Variants in ARHGAP27 observed in about 807,000 individuals in gnomAD.
The protein encoded by ARHGAP27 is rho GTPase-activating protein 27.
In ARHGAP27, 53 loss-of-function variants were observed where a neutral mutation model predicts 102.0. That is an observed-to-expected ratio of 0.52 (90% CI 0.42 to 0.65). The LOEUF (loss-of-function observed/expected upper bound fraction) is 0.65, where lower values mean the gene tolerates loss of function less well. Ranked by LOEUF, ARHGAP27 falls within the 30% of genes least tolerant of loss-of-function variation. ARHGAP27 has a pLI of 0.00. For synonymous variants in ARHGAP27, 525 were observed against 542.8 expected, an observed-to-expected ratio of 0.97 and a Z score of 0.46; for missense variants, 1,117 against 1,256.2, an observed-to-expected ratio of 0.89 and a Z score of 1.68.
intron 16 of ARHGAP27, 34 bp from the exon 17 acceptor site, chr17:45,396,318 G>A: frequency 5.1e-6 from 8 of 1,583,930 alleles, no homozygotes; most frequent in Non-Finnish European, 6.9e-6. Context: ...CCCGGGTTCA[G>A]GGATGGGGAT....
chr17:45,394,288 G>A lies in ARHGAP27; in HGVS notation c.*1168C>T, dbSNP rs2045353262. Reference sequence around the variant, plus strand: ...CAAGAGCCACAAGCTGAGGTGGCTTGTGTCTGAGGAGGGAAGGGACCCGCT... The same window carrying A: ...CAAGAGCCACAAGCTGAGGTGGCTTATGTCTGAGGAGGGAAGGGACCCGCT... On this transcript the variant is annotated 3_prime_UTR_variant, in exon 20 of 20. Coordinates refer to ENST00000685559, the MANE Select transcript of ARHGAP27 (RefSeq NM_001282290.2). The A allele has an allele frequency of 6.6e-6, 1 of 152,308 alleles. No individual in the cohort carries two copies. The highest frequency in any genetic ancestry group is 6.5e-5 in the Admixed American group (1 of 15,290). 9.4% of individuals were successfully genotyped at this position (152,308 alleles called of 1,614,324 possible).
chr17:45,406,697 A>C (rs1336832865), intron 4 of ARHGAP27, among the ~76,000 whole-genome samples: 1 of 152,072 alleles, frequency 6.6e-6, no homozygotes, highest in East Asian at 1.9e-4. Flanking sequence ...TCTGTCACCC[A>C]GGCTGGAGTG....
rs2049969225 is a variant in ARHGAP27, at chr17:45,430,355, C to A, written c.-18-58G>T. 4 of 1,499,066 alleles carry A rather than the reference C, an allele frequency of 2.7e-6. No homozygotes were observed. Among genetic ancestry groups the A allele is most frequent in the East Asian group, 2.6e-5 (1 of 39,158 alleles). 92.9% of individuals were successfully genotyped at this position (1,499,066 alleles called of 1,614,324 possible). On this transcript the variant is annotated intron_variant, in intron 3 of 19. Coordinates refer to ENST00000685559, the MANE Select transcript of ARHGAP27 (RefSeq NM_001282290.2). This position sits in a 1 kb window ranked among gnomAD's most constrained non-coding sequence, Gnocchi z 4.4. ...CAAGACCACCGAGCCTGGAATAGCC[C>A]CGCACTCGGGGACAGACTTGGGTTC...
chr17:45,424,672 G>T (rs1465483883), intron 4 of ARHGAP27, among the ~76,000 whole-genome samples: 2 of 148,110 alleles, frequency 1.4e-5, no homozygotes, highest in South Asian at 2.1e-4. Context: ...GTGGGGGAAG[G>T]GTGGGAGGGG....
At chr17:45,431,948 C>A (rs1174491887) in intron 2 of ARHGAP27, among the ~76,000 whole-genome samples, 196 bp from the exon 3 acceptor site, 3 of 152,238 alleles carry the variant, frequency 2.0e-5, no homozygotes, top group Admixed American at 6.5e-5. Flanking sequence ...ACTGGCAGGT[C>A]GCGAGCGGAG....
chr17:45,410,885 G>A (rs1306281984), intron 4 of ARHGAP27, among the ~76,000 whole-genome samples: 1 of 152,106 alleles, frequency 6.6e-6, no homozygotes, highest in South Asian at 2.1e-4. Context: ...TGATATCACA[G>A]GGAGCTGGCA....
chr17:45,429,727 C>G lies in ARHGAP27; in HGVS notation c.553G>C (p.Gly185Arg), dbSNP rs748022267. Residue 185 changes from glycine (G) to arginine (R), a missense_variant, in exon 4 of 20, where the codon GGC (glycine) becomes CGC (arginine). Coordinates refer to ENST00000685559, the MANE Select transcript of ARHGAP27 (RefSeq NM_001282290.2). ...SGSFKACSVA[G>R]SWVCPRPLAR... Reference sequence around the variant, plus strand: ...AGAGGCCGCGGGCACACCCAGGAGCCCGCCACGCTGCAGGCCTTGAAGCTG... The same window carrying G: ...AGAGGCCGCGGGCACACCCAGGAGCGCGCCACGCTGCAGGCCTTGAAGCTG... 1.9e-6 allele frequency: 3 copies of G among 1,544,012 alleles called. No individual in the cohort carries two copies. The highest frequency in any genetic ancestry group is 2.6e-6 in the Non-Finnish European group (3 of 1,144,720).
intron 4 of ARHGAP27, among the ~76,000 whole-genome samples, chr17:45,416,524 A>C (rs1301066331): frequency 6.7e-6 from 1 of 149,876 alleles, no homozygotes; most frequent in African/African-American, 2.5e-5. Flanking sequence ...CTATTGTTAA[A>C]TCTAGGCAAT....
In ARHGAP27 at chr17:45,398,026, C is replaced by G; in HGVS notation, c.1765G>C (p.Glu589Gln). The G allele has an allele frequency of 6.2e-7, 1 of 1,606,222 alleles. No homozygotes were observed. The highest frequency in any genetic ancestry group is 8.5e-7 in the Non-Finnish European group (1 of 1,173,966). The change falls in exon 13 of 20, where the codon GAG becomes CAG. Residue 589 changes from glutamate to glutamine, a missense_variant. By Grantham distance (29) the Glu-to-Gln change is conservative (BLOSUM62 2). This residue lies in a region of ARHGAP27 where 493 missense variants were observed against 505.5 expected (regional missense o/e 0.98). Transcript: ENST00000685559. ...VLELRSRDGS[E>Q]YLIQHDSEAI... ...TCCGAGTCGTGCTGGATCAGGTACT[C>G]AGAGCCATCTCGGCTCCGTAGCTGG...
intron 4 of ARHGAP27, among the ~76,000 whole-genome samples, chr17:45,419,512 GTATATATATATATA>G (rs71136087): frequency 0.012 from 1,396 of 119,760 alleles, 17 homozygotes; most frequent in Middle Eastern, 0.033. Context: ...TATGCTGTAT[GTATATATATATATA>G]TATATATATA....
Position 45,395,568 on chromosome 17 carries a change from G to C in ARHGAP27, c.2558C>G (p.Thr853Arg). Residue 853 changes from threonine (T) to arginine (R), a missense_variant, in exon 20 of 20, where the codon ACG becomes AGG. Physicochemically the swap from Thr to Arg is moderately conservative, Grantham distance 71. This residue lies in a region of ARHGAP27 where 493 missense variants were observed against 505.5 expected (regional missense o/e 0.98). Coordinates refer to ENST00000685559, the MANE Select transcript of ARHGAP27 (RefSeq NM_001282290.2). ...VQSVAIVFGP[T>R]LLRPEVEETS... is the part of the protein sequence containing the mutation. Reference sequence around the variant, plus strand: ...CTCTTCCACCTCGGGCCGCAGCAGCGTGGGCCCGAACACAATGGCCACGCT... The same window carrying C: ...CTCTTCCACCTCGGGCCGCAGCAGCCTGGGCCCGAACACAATGGCCACGCT... The C allele has an allele frequency of 3.7e-6, 6 of 1,605,238 alleles. No individual in the cohort carries two copies. Among genetic ancestry groups the C allele is most frequent in the Non-Finnish European group, 5.1e-6 (6 of 1,176,190 alleles).
Position 45,395,167 on chromosome 17 carries a change from T to C in ARHGAP27, c.*289A>G, listed in dbSNP as rs1422236497. 1 of 497,602 alleles carries C rather than the reference T, an allele frequency of 2.0e-6. No homozygotes were observed. The highest frequency in any genetic ancestry group is 3.8e-5 in the Admixed American group (1 of 26,496). The allele number at this position is 497,602 out of a possible 1,614,324, so 30.8% of individuals were successfully genotyped here. A position where few individuals can be genotyped will look rare whatever the true frequency, so the allele number is the denominator to read the frequency against. ...CAAACTCTCACCCCCACACACGCTA[T>C]CGCACACGCACAGTAGGCGCGATGC... On this transcript the variant is annotated 3_prime_UTR_variant, in exon 20 of 20. Coordinates refer to ENST00000685559, the MANE Select transcript of ARHGAP27 (RefSeq NM_001282290.2).
chr17:45,404,778 T>C, intron 6 of ARHGAP27, 97 bp from the exon 7 acceptor site: 1 of 1,505,488 alleles, frequency 6.6e-7, no homozygotes, highest in South Asian at 1.2e-5. Flanking sequence ...CCAGGGAGTC[T>C]GGAGGGGCAG....
At chr17:45,405,145 C>CCAGCAGG in intron 5 of ARHGAP27, 39 bp from the exon 6 acceptor site, 1 of 1,526,008 alleles carries the variant, frequency 6.6e-7, no homozygotes, top group Non-Finnish European at 8.8e-7. Context: ...GCTCTGAGTG[C>CCAGCAGG]CAGTACTGCC....
chr17:45,419,460 T>C (rs1419683364), intron 4 of ARHGAP27, among the ~76,000 whole-genome samples: 1 of 149,148 alleles, frequency 6.7e-6, no homozygotes, highest in Non-Finnish European at 1.5e-5. Context: ...TATAAATATA[T>C]ACAATATATA....
chr17:45,425,622 C>T, intron 4 of ARHGAP27: 1 of 985,550 alleles, frequency 1.0e-6, no homozygotes. Flanking sequence ...TCGGGGCTGC[C>T]TGCTCATGTG....
intron 4 of ARHGAP27, among the ~76,000 whole-genome samples, chr17:45,414,093 G>C (rs1423503940): frequency 7.1e-6 from 1 of 141,056 alleles, no homozygotes; most frequent in Non-Finnish European, 1.5e-5. Flanking sequence ...GTGACAGAGC[G>C]AGACTCCATC....
chr17:45,429,483 G>T, intron 4 of ARHGAP27, 140 bp downstream of exon 4: 5 of 1,495,584 alleles, frequency 3.3e-6, no homozygotes, highest in Non-Finnish European at 4.4e-6. Context: ...TTGGGGAGAG[G>T]GAGCTCATCC....
At chr17:45,409,335 GGTCCTCACACGAAGGAAT>G (rs2047618034) in intron 4 of ARHGAP27, 1 of 152,254 alleles carries the variant, frequency 6.6e-6, no homozygotes, top group Non-Finnish European at 1.5e-5. Context: ...AGGCTGATGG[GGTCCTCACACGAAGGAAT>G]GTCCCCAGCA....
Sources: gnomAD v4.1 joint callset for allele counts (sites outside exome capture counted in the v4.1 genomes callset) on GRCh38, gnomAD v4.1.1 for gene constraint, gnomAD v4.1.1 regional missense constraint, Gnocchi (gnomAD v3.1) non-coding constraint, MANE v1.5 for transcripts, NCBI Gene and HGNC (gene_info 2026-07-23, HGNC 2026-07-21) for gene names.